The following LRP1B variants were observed in gnomAD, a reference collection of about 807,000 sequenced individuals.
LRP1B encodes the protein low-density lipoprotein receptor-related protein 1B.
Under a neutral mutation model 556.6 loss-of-function variants are expected in LRP1B, and 217 were observed. That is an observed-to-expected ratio of 0.39 (90% CI 0.35 to 0.44). LRP1B has a LOEUF of 0.44. Ranked by LOEUF, LRP1B falls within the 20% of genes least tolerant of loss-of-function variation. The pLI is 1.00. For synonymous variants in LRP1B, 2,047 were observed against 1,865.8 expected, an observed-to-expected ratio of 1.10 and a Z score of -2.50; for missense variants, 5,053 against 5,620.8, an observed-to-expected ratio of 0.90 and a Z score of 3.23.
chr2:140,766,840 TATA>T (rs1689128897), intron 35 of LRP1B, among the ~76,000 whole-genome samples: 5 of 73,690 alleles, frequency 6.8e-5, no homozygotes, highest in East Asian at 5.5e-4. Context: ...TATATATATA[TATA>T]TTATATATAT....
intron 7 of LRP1B, among the ~76,000 whole-genome samples, chr2:141,139,166 T>C (rs1701567845): frequency 6.6e-6 from 1 of 151,890 alleles, no homozygotes; most frequent in Admixed American, 6.6e-5. Context: ...CTTAGATTCA[T>C]GCCTTATACC....
At chr2:141,719,094 TGTCA>T (rs899751790) in intron 2 of LRP1B, among the ~76,000 whole-genome samples, 3 of 152,142 alleles carry the variant, frequency 2.0e-5, no homozygotes, top group Admixed American at 6.6e-5. Flanking sequence ...TGAGCAGTCT[TGTCA>T]GTGAGAAAAA....
At chr2:141,048,674 A>T (rs961735983) in intron 11 of LRP1B, among the ~76,000 whole-genome samples, 1 of 152,114 alleles carries the variant, frequency 6.6e-6, no homozygotes, top group African/African-American at 2.4e-5. Flanking sequence ...TTCATCTTCT[A>T]CCATACAGCA....
intron 3 of LRP1B, among the ~76,000 whole-genome samples, chr2:141,334,979 T>A (rs764524881): frequency 6.6e-6 from 1 of 152,202 alleles, no homozygotes; most frequent in South Asian, 2.1e-4. Flanking sequence ...TTCTATCATA[T>A]CTTATACTTT....
intron 7 of LRP1B, among the ~76,000 whole-genome samples, chr2:141,101,545 C>CA: frequency 6.6e-6 from 1 of 151,904 alleles, no homozygotes. Context: ...ATTTAGGAAT[C>CA]AAAAAATAAT....
chr2:141,422,366 C>T (rs1680177195), intron 3 of LRP1B, among the ~76,000 whole-genome samples: 1 of 152,000 alleles, frequency 6.6e-6, no homozygotes, highest in Admixed American at 6.5e-5. Flanking sequence ...AAACCAAAAC[C>T]ATAAGTCAAT....
rs79518365 is a variant in LRP1B, at chr2:140,943,472, C to T, written c.3136+6763G>A. 7.8e-3 allele frequency among the ~76,000 whole-genome samples: 1,192 copies of T among 152,140 alleles called. 42 individuals carry two copies. The highest frequency in any genetic ancestry group is 0.064 in the Admixed American group (973 of 15,246). The stretch of plus-strand genomic sequence containing the variant: ...CTCCACTCAACAACCAGAATATATA[C>T]TCTTCTCATCTGCAGTCAAACATAA... On this transcript the variant is annotated intron_variant, in intron 20 of 90. Transcript: ENST00000389484.
At chr2:141,323,618 A>G (rs1687321744) in intron 3 of LRP1B, among the ~76,000 whole-genome samples, 1 of 151,992 alleles carries the variant, frequency 6.6e-6, no homozygotes, top group Admixed American at 6.6e-5. Context: ...ATCCTTTTTT[A>G]TCACTAAATT....
Position 140,253,914 on chromosome 2 carries a change from G to A in LRP1B, c.13248-6752C>T, listed in dbSNP as rs114648396. 1.6e-3 allele frequency among the ~76,000 whole-genome samples: 250 copies of A among 152,196 alleles called. 1 individual carries two copies. Among genetic ancestry groups the A allele is most frequent in the African/African-American group, 5.7e-3 (237 of 41,546 alleles). ...TGGAATGTGTGCTGCAATACTAGTGGAAAGCTCCCAAGATGAAGGCCAGTT... is the reference window on the plus strand; with the variant it reads ...TGGAATGTGTGCTGCAATACTAGTGAAAAGCTCCCAAGATGAAGGCCAGTT... On this transcript the variant is annotated intron_variant, in intron 86 of 90. Transcript: ENST00000389484.
intron 35 of LRP1B, among the ~76,000 whole-genome samples, chr2:140,752,028 C>T (rs1042974118): frequency 2.0e-5 from 3 of 151,918 alleles, no homozygotes; most frequent in Admixed American, 6.6e-5. Flanking sequence ...CACTTAGCCA[C>T]TAAATAGGCT....
In LRP1B at chr2:140,335,835, G is replaced by T; in HGVS notation, c.11896C>A (p.Pro3966Thr). The T allele has an allele frequency of 6.2e-7, 1 of 1,600,582 alleles. No homozygotes were observed. The highest frequency in any genetic ancestry group is 8.6e-7 in the Non-Finnish European group (1 of 1,169,136). The change falls in exon 78 of 91, where the codon CCT (proline) becomes ACT (threonine). Residue 3966 changes from proline (P) to threonine (T), a missense_variant. By Grantham distance (38) the Pro-to-Thr change is conservative. Around this residue, in one of 5 missense-constraint regions of LRP1B, gnomAD observed 599 missense variants for 648.4 expected, o/e 0.92. Coordinates refer to ENST00000389484, the MANE Select transcript of LRP1B (RefSeq NM_018557.3). The part of the protein sequence containing the change: ...KRQANSGLIC[P>T]EFKRPRDIAV... ...ATGTCCCTGGGCCTTTTAAATTCAG[G>T]ACACTACAAGGAAACAAAACAACAC... is the stretch of plus-strand genomic sequence containing the variant.
intron 31 of LRP1B, among the ~76,000 whole-genome samples, chr2:140,835,654 C>T (rs564611562): frequency 2.0e-4 from 31 of 152,284 alleles, no homozygotes; most frequent in African/African-American, 5.8e-4. Flanking sequence ...TCTCCTGCCT[C>T]AGCCTCCCAA....
At position 141,231,765 on chromosome 2, in the gene LRP1B, A is replaced by G. The variant is rs1396648403; in HGVS notation, c.593-2325T>C. Among the ~76,000 whole-genome samples the G allele has an allele frequency of 5.9e-5, 9 of 152,264 alleles. No homozygotes were observed. In the South Asian group the frequency reaches 1.9e-3, roughly 32 times the overall value. On this transcript the variant is annotated intron_variant, in intron 5 of 90. Coordinates refer to ENST00000389484, the MANE Select transcript of LRP1B (RefSeq NM_018557.3). Reference sequence around the variant, plus strand: ...TGCCATAAACCTCTCCTCCCCCAGGAAATTCTCTCAAGTCATAGGATTCCT... The same window carrying G: ...TGCCATAAACCTCTCCTCCCCCAGGGAATTCTCTCAAGTCATAGGATTCCT...
chr2:142,067,021 T>C (rs771595224), intron 1 of LRP1B, among the ~76,000 whole-genome samples: 1 of 151,436 alleles, frequency 6.6e-6, no homozygotes, highest in Non-Finnish European at 1.5e-5. Flanking sequence ...TTCTCACATC[T>C]CTTGGCTCAT....
intron 56 of LRP1B, 36 bp from the exon 57 acceptor site, chr2:140,492,729 G>A: frequency 7.3e-7 from 1 of 1,364,950 alleles, no homozygotes; most frequent in Non-Finnish European, 1.0e-6. Flanking sequence ...TAGACTTTAA[G>A]TATGTATGCT....
chr2:140,288,230 A>G (rs1683237758), intron 84 of LRP1B, among the ~76,000 whole-genome samples: 1 of 151,646 alleles, frequency 6.6e-6, no homozygotes, highest in Non-Finnish European at 1.5e-5. Context: ...AATAAGGATA[A>G]ATACCAAATG....
chr2:141,144,219 A>ACAAGTC (rs1395412782), intron 7 of LRP1B, among the ~76,000 whole-genome samples: 4 of 152,176 alleles, frequency 2.6e-5, no homozygotes, highest in Non-Finnish European at 4.4e-5. Flanking sequence ...TTGTCTCTAG[A>ACAAGTC]TATTTAGATG....
At chr2:142,054,652 C>T (rs1704595264) in intron 1 of LRP1B, among the ~76,000 whole-genome samples, 1 of 152,018 alleles carries the variant, frequency 6.6e-6, no homozygotes, top group Non-Finnish European at 1.5e-5. Flanking sequence ...TTGTTGGATT[C>T]CTTCAGTAGA....
Position 140,370,001 on chromosome 2 carries a change from C to T in LRP1B, c.11008+709G>A, listed in dbSNP as rs566996478. Among the ~76,000 whole-genome samples the T allele has an allele frequency of 1.4e-4, 22 of 151,978 alleles. No homozygotes were observed. In the East Asian group the frequency reaches 1.7e-3, roughly 12 times the overall value. ...AATATATCTAACAAAATGAAACTAG[C>T]AAACATGGATTAATTTGTGATCATT... On this transcript the variant is annotated intron_variant, in intron 71 of 90. Transcript: ENST00000389484.
Sources: allele counts gnomAD v4.1 joint callset (sites outside exome capture counted in the v4.1 genomes callset), GRCh38; gene constraint gnomAD v4.1.1; regional missense constraint gnomAD v4.1.1; transcripts MANE v1.5; gene names NCBI Gene and HGNC (gene_info 2026-07-23, HGNC 2026-07-21).